NEXMIF: variants seen among roughly 807,000 people sequenced by gnomAD.
The protein encoded by NEXMIF is neurite extension and migration factor.
A neutral mutation model predicts 62.1 loss-of-function variants in NEXMIF; 8 were observed. The ratio of observed to expected loss-of-function variants is 0.13; its 90% confidence interval spans 0.08 to 0.23. NEXMIF has a LOEUF of 0.23. NEXMIF is among the 10% of genes least tolerant of loss of function. NEXMIF has a pLI of 1.00. For missense variants in NEXMIF, 976 were observed against 1,113.3 expected (o/e 0.88, Z 1.75); for synonymous variants, 404 against 416.6 (o/e 0.97, Z 0.37).
At chrX:74,906,874 C>A (rs2080770831) in intron 1 of NEXMIF, among the ~76,000 whole-genome samples, 1 of 111,537 alleles carries the variant, frequency 9.0e-6, no homozygotes, top group African/African-American at 3.3e-5. Flanking sequence ...GGCATCCTAG[C>A]CTCTTTGCTG....
intron 1 of NEXMIF, among the ~76,000 whole-genome samples, chrX:74,841,499 G>A (rs1206671238): frequency 9.0e-6 from 1 of 111,507 alleles, no homozygotes; most frequent in African/African-American, 3.3e-5. Flanking sequence ...CTCTGTCTAG[G>A]ACTTCCCCTT....
chrX:74,875,322 C>T (rs765410673), intron 1 of NEXMIF, among the ~76,000 whole-genome samples: 2 of 111,787 alleles, frequency 1.8e-5, no homozygotes, highest in South Asian at 7.5e-4. Context: ...ATTGAACCAG[C>T]CTTGCATCCC....
At chrX:74,750,482 C>A (rs2080138693) in intron 1 of NEXMIF, among the ~76,000 whole-genome samples, 1 of 112,006 alleles carries the variant, frequency 8.9e-6, no homozygotes. Flanking sequence ...AACTGACAAG[C>A]AAGCTGTTAC....
At chrX:74,778,343 G>A (rs186015015) in intron 1 of NEXMIF, among the ~76,000 whole-genome samples, 11 of 111,283 alleles carry the variant, frequency 9.9e-5, no homozygotes, top group Non-Finnish European at 5.7e-5. Context: ...CTGCACTCCC[G>A]GATCTACAGA....
At chrX:74,851,943 TA>T (rs1226447863) in intron 1 of NEXMIF, among the ~76,000 whole-genome samples, 1 of 110,973 alleles carries the variant, frequency 9.0e-6, no homozygotes, top group Non-Finnish European at 1.9e-5. Flanking sequence ...AGTAAAATGA[TA>T]GGAATAAGCC....
Position 74,733,682 on chromosome X carries a change from C to A in NEXMIF, c.*5723G>T, listed in dbSNP as rs1345890898. The stretch of plus-strand genomic sequence containing the variant: ...TCACAAATATTTGAAACCTTCGCAA[C>A]AAGAACAACAAAACCAGAAGTGTTA... On this transcript the variant is annotated 3_prime_UTR_variant, in exon 4 of 4. Transcript: ENST00000055682. 1 of 112,391 alleles carries A rather than the reference C, an allele frequency of 8.9e-6. No individual in the cohort carries two copies. The highest frequency in any genetic ancestry group is 1.9e-5 in the Non-Finnish European group (1 of 53,225). 9.3% of individuals were successfully genotyped at this position (112,391 alleles called of 1,213,427 possible).
intron 1 of NEXMIF, among the ~76,000 whole-genome samples, chrX:74,833,143 A>T (rs2080444306): frequency 8.9e-6 from 1 of 112,005 alleles, no homozygotes; most frequent in Middle Eastern, 4.6e-3. Flanking sequence ...TCTATAGAGA[A>T]GATTAAGTTC....
At chrX:74,852,348 T>C (rs2080518170) in intron 1 of NEXMIF, among the ~76,000 whole-genome samples, 1 of 111,445 alleles carries the variant, frequency 9.0e-6, no homozygotes. Context: ...AAGGGAGAGA[T>C]AGACTCCAAT....
At chrX:74,861,583 G>A (rs1437386013) in intron 1 of NEXMIF, among the ~76,000 whole-genome samples, 1 of 111,144 alleles carries the variant, frequency 9.0e-6, no homozygotes, top group African/African-American at 3.3e-5. Flanking sequence ...AAATGTTAAG[G>A]GCAGTCAGAG....
chrX:74,835,440 C>T (rs2147486510), intron 1 of NEXMIF, among the ~76,000 whole-genome samples: 1 of 111,655 alleles, frequency 9.0e-6, no homozygotes, highest in South Asian at 3.7e-4. Flanking sequence ...TTTGCTTCTG[C>T]CTTTCTTGAG....
At chrX:74,868,755 C>G (rs1444675519) in intron 1 of NEXMIF, among the ~76,000 whole-genome samples, 1 of 110,305 alleles carries the variant, frequency 9.1e-6, no homozygotes, top group Middle Eastern at 4.6e-3. Flanking sequence ...ACCTCCCATC[C>G]TTCACATGTA....
rs756120117 is a variant in NEXMIF at position 74,876,975 on chromosome X, C to T, written c.-48+47908G>A. Among the ~76,000 whole-genome samples, 435 of 111,318 alleles carry T rather than the reference C, an allele frequency of 3.9e-3. 3 individuals are homozygous for T. The highest frequency in any genetic ancestry group is 0.013 in the African/African-American group (409 of 30,667). ...GCCAGTCTGTGTCTTTTAATTGGAG[C>T]ATTTAGTCCATTTACATTTAAAGTT... On this transcript the variant is annotated intron_variant, in intron 1 of 3. Coordinates refer to ENST00000055682, the MANE Select transcript of NEXMIF (RefSeq NM_001008537.3).
chrX:74,774,469 C>T (rs2080222654), intron 1 of NEXMIF, among the ~76,000 whole-genome samples: 1 of 111,329 alleles, frequency 9.0e-6, no homozygotes, highest in African/African-American at 3.3e-5. Flanking sequence ...AGAAATCAGA[C>T]CTTTGGAGCC....
chrX:74,796,672 T>C (rs2080313027), intron 1 of NEXMIF, among the ~76,000 whole-genome samples: 1 of 110,831 alleles, frequency 9.0e-6, no homozygotes, highest in Non-Finnish European at 1.9e-5. Flanking sequence ...AGCAGGAGCA[T>C]TTGAGTAACA....
At chrX:74,893,434 G>T (rs1407172344) in intron 1 of NEXMIF, among the ~76,000 whole-genome samples, 1 of 111,962 alleles carries the variant, frequency 8.9e-6, no homozygotes, top group Admixed American at 9.5e-5. Context: ...AGACTCAAAG[G>T]GTTCCTCTGA....
At chrX:74,748,497 A>T (rs2080132616) in intron 1 of NEXMIF, among the ~76,000 whole-genome samples, 1 of 112,280 alleles carries the variant, frequency 8.9e-6, no homozygotes, top group South Asian at 3.6e-4. Flanking sequence ...TCCCCCACTG[A>T]TCAGCATTTT....
chrX:74,778,108 G>A (rs2080234119), intron 1 of NEXMIF, among the ~76,000 whole-genome samples: 1 of 111,992 alleles, frequency 8.9e-6, no homozygotes, highest in Non-Finnish European at 1.9e-5. Flanking sequence ...TGAACTTTGT[G>A]TCCTGTAGTT....
chrX:74,808,958 G>A (rs1344175497), intron 1 of NEXMIF, among the ~76,000 whole-genome samples: 2 of 111,813 alleles, frequency 1.8e-5, no homozygotes, highest in Non-Finnish European at 3.8e-5. Flanking sequence ...TGGGAAGTGG[G>A]GCCTAATAAA....
chrX:74,748,188 C>G, intron 1 of NEXMIF, among the ~76,000 whole-genome samples: 1 of 111,581 alleles, frequency 9.0e-6, no homozygotes. Context: ...AAGTTTGGTT[C>G]TATTAGAGTC....
Sources: gnomAD v4.1 joint callset for allele counts (sites outside exome capture counted in the v4.1 genomes callset) on GRCh38, gnomAD v4.1.1 for gene constraint, MANE v1.5 for transcripts, NCBI Gene and HGNC (gene_info 2026-07-23, HGNC 2026-07-21) for gene names.